The following SLC1A4 variants were observed in gnomAD, a reference collection of about 807,000 sequenced individuals.
SLC1A4 encodes the protein neutral amino acid transporter A.
SLC1A4 carries 19 observed loss-of-function variants against 37.7 expected under a neutral mutation model. The observed-to-expected ratio is 0.50, with a 90% CI of 0.35 to 0.74. SLC1A4 has a LOEUF of 0.74. SLC1A4 is among the 30% of genes least tolerant of loss of function. The probability of loss-of-function intolerance (pLI) is 0.01; values close to 1 mark genes in which losing one functional copy is unlikely to be tolerated. For synonymous variants in SLC1A4, 299 were observed against 309.8 expected, an observed-to-expected ratio of 0.97 and a Z score of 0.37; for missense variants, 570 against 712.9, an observed-to-expected ratio of 0.80 and a Z score of 2.28.
chr2:65,017,147 C>G (rs1342931057), intron 5 of SLC1A4, among the ~76,000 whole-genome samples: 1 of 152,162 alleles, frequency 6.6e-6, no homozygotes, highest in East Asian at 1.9e-4. Context: ...AAGAAGGCAG[C>G]CCACCTAACT....
chr2:65,005,014 T>C (rs1459035105), intron 3 of SLC1A4, among the ~76,000 whole-genome samples: 2 of 152,340 alleles, frequency 1.3e-5, no homozygotes, highest in East Asian at 1.9e-4. Context: ...ATAACACTTG[T>C]TGAAGTTCGG....
intron 1 of SLC1A4, among the ~76,000 whole-genome samples, chr2:64,996,645 G>A (rs1178603761): frequency 3.3e-5 from 5 of 152,178 alleles, no homozygotes; most frequent in Non-Finnish European, 7.3e-5. Flanking sequence ...CAGTTCCTTG[G>A]TGGCACTAGC....
Position 65,018,129 on chromosome 2 carries a change from A to G in SLC1A4, c.1093A>G (p.Arg365Gly). 6.2e-7 allele frequency: 1 copy of G among 1,614,204 alleles called. No homozygotes were observed. Among genetic ancestry groups the G allele is most frequent in the Non-Finnish European group, 8.5e-7 (1 of 1,180,040 alleles). Residue 365 changes from arginine to glycine, a missense_variant, in exon 6 of 8, where the codon AGG (arginine) becomes GGG (glycine). By Grantham distance (125) the Arg-to-Gly change is moderately radical. Coordinates refer to ENST00000234256, the MANE Select transcript of SLC1A4 (RefSeq NM_003038.5). The surrounding 1 kb of genome is among the most constrained non-coding windows in gnomAD (Gnocchi z 4.3). Reference sequence around the variant, plus strand: ...TGAAGAGAACAATGGTGTGGACAAGAGGATCAGCAGGTTTATTCTCCCCAT... The same window carrying G: ...TGAAGAGAACAATGGTGTGGACAAGGGGATCAGCAGGTTTATTCTCCCCAT... ...CIEENNGVDK[R>G]ISRFILPIGA...
chr2:64,996,977 G>A (rs984119271), intron 1 of SLC1A4, among the ~76,000 whole-genome samples: 5 of 152,192 alleles, frequency 3.3e-5, no homozygotes, highest in African/African-American at 1.2e-4. Flanking sequence ...GTAAGAACCA[G>A]AGTTTACCGC....
chr2:64,999,169 G>GC (rs1673372978), intron 1 of SLC1A4, among the ~76,000 whole-genome samples: 1 of 152,192 alleles, frequency 6.6e-6, no homozygotes, highest in Non-Finnish European at 1.5e-5. Flanking sequence ...AATATAAGTT[G>GC]CTAGTCTGTT....
intron 4 of SLC1A4, among the ~76,000 whole-genome samples, chr2:65,015,046 C>T (rs139739941): frequency 5.5e-4 from 83 of 152,236 alleles, no homozygotes; most frequent in African/African-American, 1.7e-3. Context: ...GGATGAAGCC[C>T]GAAGACATCA....
chr2:65,011,710 T>C (rs1428640687), intron 4 of SLC1A4, among the ~76,000 whole-genome samples: 1 of 152,226 alleles, frequency 6.6e-6, no homozygotes, highest in Admixed American at 6.5e-5. Flanking sequence ...CCAATTCCAG[T>C]ATCAATCTCT....
intron 7 of SLC1A4, among the ~76,000 whole-genome samples, chr2:65,020,589 T>C (rs1173413942): frequency 6.6e-6 from 1 of 152,176 alleles, no homozygotes; most frequent in Non-Finnish European, 1.5e-5. Flanking sequence ...TTAATTATGG[T>C]GTCTAATACA....
rs1401747382 is a variant in SLC1A4 at position 65,023,300 on chromosome 2, T to C, written c.*2154T>C. 1 of 145,230 alleles carries C rather than the reference T, an allele frequency of 6.9e-6. No individual in the cohort carries two copies. The highest frequency in any genetic ancestry group is 1.5e-5 in the Non-Finnish European group (1 of 66,706). The allele number at this position is 145,230 out of a possible 1,614,324, so 9.0% of individuals were successfully genotyped here. ...TATATATACACAACACACACACACA[T>C]ATGTATATCTATACACACATGTGTG... On this transcript the variant is annotated 3_prime_UTR_variant, in exon 8 of 8. Transcript: ENST00000234256.
Position 65,001,491 on chromosome 2 carries a change from G to A in SLC1A4, c.570+1G>A. 6.2e-7 allele frequency: 1 copy of A among 1,613,214 alleles called. No individual in the cohort carries two copies. The highest frequency in any genetic ancestry group is 2.2e-5 in the East Asian group (1 of 44,882). On this transcript the variant is annotated splice_donor_variant, in intron 2 of 7. Coordinates refer to ENST00000234256, the MANE Select transcript of SLC1A4 (RefSeq NM_003038.5). LOFTEE classifies it high-confidence loss of function. ...TCTTGTGGTTGCAGCTTTCCGTACG[G>A]TAAGGCTTGATACTTTGCTAAAAAT...
chr2:65,002,887 T>C (rs1673533351), intron 2 of SLC1A4, among the ~76,000 whole-genome samples: 2 of 152,190 alleles, frequency 1.3e-5, no homozygotes, highest in Admixed American at 1.3e-4. Context: ...CCTATGACCA[T>C]TCTTTACACA....
rs180789442 is a variant in SLC1A4 at position 64,993,891 on chromosome 2, A to G, written c.527+3721A>G. On this transcript the variant is annotated intron_variant, in intron 1 of 7. Transcript: ENST00000234256. The stretch of plus-strand genomic sequence containing the variant: ...AAGCTGTTAGAACAGTGCTGGCCCA[A>G]TACACCTGTGCTCTTGTTATAAATA... 3.4e-3 allele frequency among the ~76,000 whole-genome samples: 521 copies of G among 152,334 alleles called. 2 individuals are homozygous for G. Among genetic ancestry groups the G allele is most frequent in the African/African-American group, 0.012 (508 of 41,578 alleles).
At chr2:65,000,355 G>A (rs539132745) in intron 1 of SLC1A4, 1 of 152,258 alleles carries the variant, frequency 6.6e-6, no homozygotes, top group African/African-American at 2.4e-5. Context: ...TAAATAAAAT[G>A]TCCCTGCCCA....
chr2:64,989,657 A>G lies in SLC1A4; in HGVS notation c.14A>G (p.Asn5Ser). ...GCGTGTAGCGCCATGGAGAAGAGCA[A>G]CGAGACCAACGGCTACCTTGACAGC... is the stretch of plus-strand genomic sequence containing the variant. MEKSNETNGYLDSAQ... is the reference protein window; with the variant it reads MEKSSETNGYLDSAQ... The change falls in exon 1 of 8, where the codon AAC becomes AGC. Residue 5 changes from asparagine (N) to serine (S), a missense_variant. Asn to Ser is a conservative substitution (Grantham distance 46). Coordinates refer to ENST00000234256, the MANE Select transcript of SLC1A4 (RefSeq NM_003038.5). The G allele has an allele frequency of 2.0e-6, 3 of 1,536,288 alleles. No homozygotes were observed. In the South Asian group the frequency reaches 3.6e-5, roughly 19 times the overall value.
intron 1 of SLC1A4, among the ~76,000 whole-genome samples, chr2:64,993,019 G>A (rs1269844712): frequency 6.6e-6 from 1 of 152,232 alleles, no homozygotes; most frequent in Non-Finnish European, 1.5e-5. Context: ...CTTCACGGAT[G>A]TGGATTTCAT....
chr2:65,006,428 G>A (rs565056971), intron 3 of SLC1A4, among the ~76,000 whole-genome samples: 19 of 152,048 alleles, frequency 1.2e-4, no homozygotes, highest in African/African-American at 4.1e-4. Flanking sequence ...GGATGTGGAG[G>A]TTGCAGTGAG....
chr2:65,010,810 T>A (rs772310002), intron 4 of SLC1A4, 47 bp downstream of exon 4: 3 of 1,572,618 alleles, frequency 1.9e-6, no homozygotes, highest in East Asian at 2.3e-5. Flanking sequence ...CCTCCTGCCA[T>A]CCAGAAAAGA....
rs201614941 is a variant in SLC1A4 at position 65,023,338 on chromosome 2, ATGTG to A, written c.*2201_*2204del. ...ACACACATGTGTGTTGTGTATATGC[ATGTG>A]TGTGTGTGCGTGTGTGTATAGTTTT... On this transcript the variant is annotated 3_prime_UTR_variant, in exon 8 of 8. Transcript: ENST00000234256. 2.3e-5 allele frequency: 3 copies of A among 130,252 alleles called. No homozygotes were observed. Among genetic ancestry groups the A allele is most frequent in the Non-Finnish European group, 3.2e-5 (2 of 61,692 alleles). 8.1% of individuals were successfully genotyped at this position (130,252 alleles called of 1,614,324 possible). A position where few individuals can be genotyped will look rare whatever the true frequency, so the allele number is the denominator to read the frequency against.
chr2:65,017,712 TGGGAGGGGAA>T (rs200104445), intron 5 of SLC1A4, among the ~76,000 whole-genome samples: 3,315 of 152,294 alleles, frequency 0.022, 134 homozygotes, highest in African/African-American at 0.076. Flanking sequence ...CATTTACTTT[TGGGAGGGGAA>T]CACTCAAGAG....
Sources: gnomAD v4.1 joint callset for allele counts (sites outside exome capture counted in the v4.1 genomes callset) on GRCh38, gnomAD v4.1.1 for gene constraint, Gnocchi (gnomAD v3.1) non-coding constraint, MANE v1.5 for transcripts, NCBI Gene and HGNC (gene_info 2026-07-23, HGNC 2026-07-21) for gene names.